MCF2L: variants seen among roughly 807,000 people sequenced by gnomAD.
The protein encoded by MCF2L is MCF.2 cell line derived transforming sequence like, also known as guanine nucleotide exchange factor DBS.
In MCF2L, 97 loss-of-function variants were observed where a neutral mutation model predicts 153.4. The ratio of observed to expected loss-of-function variants is 0.63; its 90% confidence interval spans 0.54 to 0.75. The LOEUF (loss-of-function observed/expected upper bound fraction) is 0.75, where lower values mean the gene tolerates loss of function less well. MCF2L is among the 30% of genes least tolerant of loss of function. The probability of loss-of-function intolerance (pLI) is 0.00; values close to 1 mark genes in which losing one functional copy is unlikely to be tolerated. For missense variants in MCF2L, 1,347 were observed against 1,495.2 expected, an observed-to-expected ratio of 0.90 and a Z score of 1.64; for synonymous variants, 659 against 632.2, an observed-to-expected ratio of 1.04 and a Z score of -0.64.
intron 5 of MCF2L, among the ~76,000 whole-genome samples, chr13:113,063,022 C>T (rs910860809): frequency 3.3e-5 from 5 of 152,336 alleles, no homozygotes; most frequent in Admixed American, 1.3e-4. Context: ...ATCATCTCTC[C>T]CATCAGAGCA....
chr13:113,033,324 C>T lies in MCF2L; in HGVS notation c.278+8566C>T, dbSNP rs1331115399. Among the ~76,000 whole-genome samples, 347 of 49,998 alleles carry T rather than the reference C, an allele frequency of 6.9e-3. 13 individuals carry two copies. The highest frequency in any genetic ancestry group is 0.013 in the East Asian group (11 of 852). 32.8% of individuals were successfully genotyped at this position (49,998 alleles called of 152,430 possible). On this transcript the variant is annotated intron_variant, in intron 3 of 29. Transcript: ENST00000535094. ...CCCGTGGCGTGAGTGGCCCCTGTGG[C>T]GTGAGTGGCCCCCGTGACATTAGTG...
At chr13:113,002,059 G>T in intron 1 of MCF2L, 1 of 1,414,594 alleles carries the variant, frequency 7.1e-7, no homozygotes, top group East Asian at 2.8e-5. Context: ...CCGGGCGGGG[G>T]TGGACGTTCT....
chr13:112,999,176 G>T (rs567805325), intron 1 of MCF2L, among the ~76,000 whole-genome samples: 1 of 152,178 alleles, frequency 6.6e-6, no homozygotes, highest in Non-Finnish European at 1.5e-5. Flanking sequence ...GGGCCAGACC[G>T]CCTGGGTCTG....
chr13:113,037,249 C>T (rs2086212895), intron 3 of MCF2L, among the ~76,000 whole-genome samples: 1 of 152,232 alleles, frequency 6.6e-6, no homozygotes, highest in Non-Finnish European at 1.5e-5. Flanking sequence ...CGATAGAAAG[C>T]ACCTTGCTGA....
intron 1 of MCF2L, among the ~76,000 whole-genome samples, chr13:112,990,473 C>T (rs920169244): frequency 2.0e-5 from 3 of 152,206 alleles, no homozygotes; most frequent in African/African-American, 2.4e-5. Flanking sequence ...TAATAAACCA[C>T]CCGGTGGCCG....
chr13:113,073,637 A>G (rs957412679), intron 9 of MCF2L, among the ~76,000 whole-genome samples: 4 of 152,242 alleles, frequency 2.6e-5, no homozygotes, highest in Non-Finnish European at 4.4e-5. Context: ...AAATCAGGCC[A>G]GGCATGGTGG....
At chr13:113,077,021 G>T in intron 12 of MCF2L, 31 bp from the exon 13 acceptor site, 1 of 1,590,348 alleles carries the variant, frequency 6.3e-7, no homozygotes, top group South Asian at 1.1e-5. Flanking sequence ...ACCAACATGT[G>T]CAAGGCACCT....
At chr13:112,979,107 T>A (rs9549620) in intron 1 of MCF2L, among the ~76,000 whole-genome samples, 35,171 of 152,166 alleles carry the variant, frequency 0.23, 4,246 homozygotes, top group Middle Eastern at 0.28. Context: ...CTCGAGGAGC[T>A]CGGCAGCAGA....
In MCF2L at chr13:112,951,745, C is replaced by T. The variant is rs530866087; in HGVS notation, c.169+49374C>T. 1.1e-4 allele frequency among the ~76,000 whole-genome samples: 16 copies of T among 152,258 alleles called. No individual in the cohort carries two copies. Among genetic ancestry groups the T allele is most frequent in the African/African-American group, 2.9e-4 (12 of 41,538 alleles). On this transcript the variant is annotated intron_variant, in intron 2 of 29. Coordinates refer to the MCF2L transcript ENST00000375608. The surrounding 1 kb of genome is among the most constrained non-coding windows in gnomAD (Gnocchi z 4.8). ...GGTAGAGACAGCCCAGGTCTGGCTG[C>T]GTCATTGTCAGTATGCTGGCTGCAG...
chr13:112,924,613 A>G (rs1327939650), intron 2 of MCF2L, among the ~76,000 whole-genome samples: 1 of 152,254 alleles, frequency 6.6e-6, no homozygotes, highest in East Asian at 1.9e-4. Context: ...TGGAAAAGGT[A>G]TATGATAGCT....
intron 4 of MCF2L, among the ~76,000 whole-genome samples, chr13:113,050,197 T>A (rs1348241230): frequency 6.6e-6 from 1 of 150,952 alleles, no homozygotes; most frequent in Non-Finnish European, 1.5e-5. Context: ...TGCGAGCGAG[T>A]GGGAGTGTAA....
At chr13:112,965,869 T>C (rs1320246429), upstream of MCF2L, 1 of 152,178 alleles carries the variant, frequency 6.6e-6, no homozygotes, top group African/African-American at 2.4e-5. Flanking sequence ...AGCCCATCCC[T>C]TGGGACACAC....
At position 113,039,061 on chromosome 13, in the gene MCF2L, G is replaced by T. The variant is rs12865455; in HGVS notation, c.279-6210G>T. On this transcript the variant is annotated intron_variant, in intron 3 of 29. Coordinates refer to ENST00000535094, the MANE Select transcript of MCF2L (RefSeq NM_001112732.3). ...TTTTTAGTAGAGACGGGGTTTCACC[G>T]TGTTAGCCTGGATGGTCTCGATCTC... Among the ~76,000 whole-genome samples, 1,482 of 152,172 alleles carry T rather than the reference G, an allele frequency of 9.7e-3. 27 individuals are homozygous for T. The highest frequency in any genetic ancestry group is 0.034 in the African/African-American group (1,410 of 41,532).
chr13:113,067,183 GGT>G, intron 8 of MCF2L, among the ~76,000 whole-genome samples: 1 of 152,222 alleles, frequency 6.6e-6, no homozygotes, highest in Non-Finnish European at 1.5e-5. Context: ...CTGACTGGGT[GGT>G]GCACAGCTGG....
intron 2 of MCF2L, among the ~76,000 whole-genome samples, chr13:112,921,803 G>A (rs1036095169): frequency 6.6e-6 from 1 of 152,192 alleles, no homozygotes; most frequent in Non-Finnish European, 1.5e-5. Flanking sequence ...GCCAGCTAAA[G>A]TGGAGAGTTC....
chr13:112,990,931 C>T (rs2082871449), intron 1 of MCF2L, among the ~76,000 whole-genome samples: 1 of 152,264 alleles, frequency 6.6e-6, no homozygotes, highest in African/African-American at 2.4e-5. Flanking sequence ...CCCGCTGCCT[C>T]CTCCCCTGAG....
At position 112,909,582 on chromosome 13, in the gene MCF2L, G is replaced by A. The variant is rs373033769; in HGVS notation, c.169+7211G>A. The A allele has an allele frequency of 5.5e-4, 237 of 429,252 alleles. 2 individuals carry two copies. Among genetic ancestry groups the A allele is most frequent in the African/African-American group, 4.3e-3 (220 of 51,564 alleles). 26.6% of individuals were successfully genotyped at this position (429,252 alleles called of 1,614,324 possible). On this transcript the variant is annotated intron_variant, in intron 2 of 29. Transcript: ENST00000375608. ...ATTTGGAGGAGAGTCTAATAACCAA[G>A]AGGATGAATCTCTTTGAAGGATCTG...
At chr13:112,998,374 G>A (rs572104798) in intron 1 of MCF2L, among the ~76,000 whole-genome samples, 11 of 152,308 alleles carry the variant, frequency 7.2e-5, no homozygotes, top group South Asian at 2.1e-4. Flanking sequence ...TGAGGAGGCC[G>A]TGAGCCACAG....
Position 113,074,308 on chromosome 13 carries a change from T to C in MCF2L, c.997-136T>C. ...GGGGCCGACTTTGCACCTGTCTGACTGTGGTCCCTGCTTGATTGATGACCA... is the reference window on the plus strand; with the variant it reads ...GGGGCCGACTTTGCACCTGTCTGACCGTGGTCCCTGCTTGATTGATGACCA... On this transcript the variant is annotated intron_variant, in intron 9 of 29. Coordinates refer to ENST00000535094, the MANE Select transcript of MCF2L (RefSeq NM_001112732.3). This position sits in a 1 kb window ranked among gnomAD's most constrained non-coding sequence, Gnocchi z 4.2. 9.0e-7 allele frequency: 1 copy of C among 1,113,244 alleles called. No homozygotes were observed. The highest frequency in any genetic ancestry group is 1.3e-6 in the Non-Finnish European group (1 of 761,718). 69.0% of individuals were successfully genotyped at this position (1,113,244 alleles called of 1,614,324 possible).
Sources: allele counts gnomAD v4.1 joint callset (sites outside exome capture counted in the v4.1 genomes callset), GRCh38; gene constraint gnomAD v4.1.1; non-coding constraint Gnocchi (gnomAD v3.1); transcripts MANE v1.5; gene names NCBI Gene and HGNC (gene_info 2026-07-23, HGNC 2026-07-21).